FLNB: variants seen among roughly 807,000 people sequenced by gnomAD.
The protein encoded by FLNB is filamin B.
FLNB carries 111 observed loss-of-function variants against 250.6 expected under a neutral mutation model. The observed-to-expected ratio is 0.44, with a 90% confidence interval of 0.38 to 0.52. The LOEUF (loss-of-function observed/expected upper bound fraction) is 0.52. Among genes scored for constraint, FLNB ranks in the 20% least tolerant of loss-of-function variants. The pLI is 0.00. For missense variants in FLNB, 2,869 were observed against 3,447.8 expected, an observed-to-expected ratio of 0.83 and a Z score of 4.20; for synonymous variants, 1,302 against 1,372.1, an observed-to-expected ratio of 0.95 and a Z score of 1.13.
Position 58,020,048 on chromosome 3 carries a change from GGTGTGTGTGTGTGTGTGTGT to G in FLNB, c.292+11221_292+11240del, listed in dbSNP as rs373280518. Among the ~76,000 whole-genome samples, 200 of 136,996 alleles carry G rather than the reference GGTGTGTGTGTGTGTGTGTGT, an allele frequency of 1.5e-3. 1 individual carries two copies. Among genetic ancestry groups the G allele is most frequent in the African/African-American group, 3.9e-3 (144 of 36,866 alleles). The allele number at this position is 136,996 out of a possible 152,430, so 89.9% of individuals were successfully genotyped here. A position where few individuals can be genotyped will look rare whatever the true frequency, so the allele number is the denominator to read the frequency against. ...ACAGCACACACCATGACACCACAGG[GGTGTGTGTGTGTGTGTGTGT>G]GTGTGTGTGTGTGTGTGTGTGTGTG... On this transcript the variant is annotated intron_variant, in intron 1 of 45. Coordinates refer to ENST00000295956, the MANE Select transcript of FLNB (RefSeq NM_001457.4).
intron 1 of FLNB, among the ~76,000 whole-genome samples, chr3:58,014,184 C>T (rs1264387488): frequency 2.0e-5 from 3 of 152,242 alleles, no homozygotes; most frequent in Non-Finnish European, 2.9e-5. Flanking sequence ...GGTTTGCACA[C>T]TGAAAGGGCA....
chr3:58,089,497 G>C (rs2097222686), intron 4 of FLNB, among the ~76,000 whole-genome samples: 1 of 150,782 alleles, frequency 6.6e-6, no homozygotes, highest in African/African-American at 2.4e-5. Context: ...AGTGAGCTGA[G>C]GTCATGCCGT....
rs150730748 is a variant in FLNB, at chr3:58,109,260, G to A, written c.2137G>A (p.Ala713Thr). Residue 713 changes from alanine (A) to threonine (T), a missense_variant, in exon 14 of 46, where the codon GCC becomes ACC. Around this residue, in one of 5 missense-constraint regions of FLNB, gnomAD observed 1,348 missense variants for 1,466.7 expected, o/e 0.92. Coordinates refer to ENST00000295956, the MANE Select transcript of FLNB (RefSeq NM_001457.4). The part of the protein sequence containing the change: ...TYACSYTPVK[A>T]IKHTIAVVWG... ...TGCATGCTCATACACCCCGGTGAAGGCCATCAAGCACACCATTGCTGTGGT... is the reference window on the plus strand; with the variant it reads ...TGCATGCTCATACACCCCGGTGAAGACCATCAAGCACACCATTGCTGTGGT... 6.2e-6 allele frequency: 10 copies of A among 1,614,226 alleles called. No individual in the cohort carries two copies. In the African/African-American group the frequency reaches 1.2e-4, roughly 19 times the overall value.
chr3:58,138,488 T>C lies in FLNB; in HGVS notation c.5068T>C (p.Phe1690Leu). The change falls in exon 29 of 46, where the codon TTC becomes CTC. Residue 1690 changes from phenylalanine (F) to leucine (L), a missense_variant. Coordinates refer to ENST00000295956, the MANE Select transcript of FLNB (RefSeq NM_001457.4). Reference sequence around the variant, plus strand: ...GGGCACATATGTGATCTATGTGCGCTTCGGTGGTGTTGATATTCCTAACAG... The same window carrying C: ...GGGCACATATGTGATCTATGTGCGCCTCGGTGGTGTTGATATTCCTAACAG... ...KPGTYVIYVR[F>L]GGVDIPNSPF... is the part of the protein sequence containing the mutation. 1 of 1,614,218 alleles carries C rather than the reference T, an allele frequency of 6.2e-7. No homozygotes were observed. Among genetic ancestry groups the C allele is most frequent in the Non-Finnish European group, 8.5e-7 (1 of 1,180,014 alleles).
At chr3:58,018,604 CTCCCGGGT>C (rs1254475273) in intron 1 of FLNB, among the ~76,000 whole-genome samples, 1 of 152,064 alleles carries the variant, frequency 6.6e-6, no homozygotes, top group Non-Finnish European at 1.5e-5. Context: ...CAACCTCTGC[CTCCCGGGT>C]TCCAGCGATT....
intron 13 of FLNB, 128 bp from the exon 14 acceptor site, chr3:58,109,051 G>A: frequency 9.0e-6 from 9 of 997,780 alleles, no homozygotes; most frequent in South Asian, 2.7e-5. Flanking sequence ...ATGGCACATT[G>A]TAGTTGGTCC....
intron 43 of FLNB, chr3:58,165,739 A>T (rs1289912296): frequency 1.3e-5 from 2 of 152,128 alleles, no homozygotes; most frequent in African/African-American, 2.4e-5. Context: ...GCCGCTGAGC[A>T]ATTTTCCTAA....
intron 24 of FLNB, among the ~76,000 whole-genome samples, chr3:58,129,138 G>A (rs1249761695): frequency 6.6e-6 from 1 of 152,186 alleles, no homozygotes; most frequent in East Asian, 1.9e-4. Context: ...AAAACCCGGA[G>A]TGGAGTTATT....
At chr3:58,110,870 C>T (rs1043212096) in intron 16 of FLNB, among the ~76,000 whole-genome samples, 3 of 152,210 alleles carry the variant, frequency 2.0e-5, no homozygotes, top group Non-Finnish European at 4.4e-5. Flanking sequence ...CACATTTGGC[C>T]TCCTTTTTGG....
chr3:58,121,137 T>G, intron 19 of FLNB, 104 bp from the exon 20 acceptor site: 436 of 1,412,642 alleles, frequency 3.1e-4, no homozygotes, highest in Non-Finnish European at 3.8e-4. Flanking sequence ...CAGTGGAGGC[T>G]GAGATAAGTC....
Position 58,021,780 on chromosome 3 carries a change from TTTG to T in FLNB, c.292+12927_292+12929del, listed in dbSNP as rs202223086. 1.5e-4 allele frequency among the ~76,000 whole-genome samples: 16 copies of T among 110,072 alleles called. No individual in the cohort carries two copies. In the East Asian group the frequency reaches 2.8e-3, roughly 20 times the overall value. 72.2% of individuals were successfully genotyped at this position (110,072 alleles called of 152,430 possible). On this transcript the variant is annotated intron_variant, in intron 1 of 45. Transcript: ENST00000295956. Reference sequence around the variant, plus strand: ...GCACCCAACACCTTGTTTTTTTGTTTTTGTTTTTTTTGGAGATAGAGTCTTGCT... The same window carrying T: ...GCACCCAACACCTTGTTTTTTTGTTTTTTTTTTTGGAGATAGAGTCTTGCT...
intron 25 of FLNB, among the ~76,000 whole-genome samples, chr3:58,131,566 G>A (rs1437542975): frequency 6.6e-6 from 1 of 152,234 alleles, no homozygotes; most frequent in Admixed American, 6.5e-5. Context: ...CCACATAGAG[G>A]ACAGTGTGCC....
At chr3:58,037,786 T>G (rs1559650111) in intron 1 of FLNB, among the ~76,000 whole-genome samples, 3 of 152,182 alleles carry the variant, frequency 2.0e-5, no homozygotes, top group Non-Finnish European at 2.9e-5. Flanking sequence ...TTTTTCTTCA[T>G]ATCTACTCAT....
intron 24 of FLNB, among the ~76,000 whole-genome samples, chr3:58,127,607 G>A (rs1372696023): frequency 6.6e-6 from 1 of 152,198 alleles, no homozygotes; most frequent in Non-Finnish European, 1.5e-5. Context: ...CCCTGTACCT[G>A]CTAGATGCCC....
chr3:58,135,153 C>A (rs537860740), intron 27 of FLNB, among the ~76,000 whole-genome samples: 8 of 152,144 alleles, frequency 5.3e-5, no homozygotes, highest in Non-Finnish European at 1.0e-4. Context: ...CTGTGCCCGT[C>A]CCCTATGTTT....
chr3:58,151,868 A>C (rs1323363116), intron 38 of FLNB, among the ~76,000 whole-genome samples: 1 of 152,228 alleles, frequency 6.6e-6, no homozygotes, highest in East Asian at 1.9e-4. Flanking sequence ...ATGCCTTGGC[A>C]GACCGCCCTC....
At chr3:58,114,409 T>C (rs1448168508) in intron 18 of FLNB, among the ~76,000 whole-genome samples, 1 of 152,248 alleles carries the variant, frequency 6.6e-6, no homozygotes, top group Non-Finnish European at 1.5e-5. Context: ...GTGCTGGGAT[T>C]ATAGGCATGA....
In FLNB at chr3:58,123,438, TG is replaced by T. The variant is rs1260481232; in HGVS notation, c.3473del (p.Cys1158SerfsTer35). 6.2e-7 allele frequency: 1 copy of T among 1,611,222 alleles called. No individual in the cohort carries two copies. The highest frequency in any genetic ancestry group is 8.5e-7 in the Non-Finnish European group (1 of 1,177,892). On this transcript the variant is annotated frameshift_variant, in exon 21 of 46. Coordinates refer to ENST00000295956, the MANE Select transcript of FLNB (RefSeq NM_001457.4). LOFTEE classifies it high-confidence loss of function. ...TGAAGCTGGCCTCCTTAGCGTCGAC[TG>T]CTCGGAAGCGGGACCGGGGGCCCTG... ...VGEAGLLSVD[C>X]SEAGPGALGL...
At position 58,126,724 on chromosome 3, in the gene FLNB, A is replaced by G; in HGVS notation, c.4184A>G (p.Tyr1395Cys). The change falls in exon 24 of 46, where the codon TAC (tyrosine) becomes TGC (cysteine). Residue 1395 changes from tyrosine (Y) to cysteine (C), a missense_variant. Transcript: ENST00000295956. ...AEYIPFAPGD[Y>C]DVNITYGGAH... ...TACATTCCTTTCGCACCGGGGGATTACGATGTTAATATCACATATGGAGGA... is the reference window on the plus strand; with the variant it reads ...TACATTCCTTTCGCACCGGGGGATTGCGATGTTAATATCACATATGGAGGA... 1 of 1,614,018 alleles carries G rather than the reference A, an allele frequency of 6.2e-7. No individual in the cohort carries two copies. The highest frequency in any genetic ancestry group is 8.5e-7 in the Non-Finnish European group (1 of 1,179,904).
Sources: gnomAD v4.1 joint callset for allele counts (sites outside exome capture counted in the v4.1 genomes callset) on GRCh38, gnomAD v4.1.1 for gene constraint, gnomAD v4.1.1 regional missense constraint, MANE v1.5 for transcripts, NCBI Gene and HGNC (gene_info 2026-07-23, HGNC 2026-07-21) for gene names.